GPC6: variants seen among roughly 807,000 people sequenced by gnomAD.
GPC6 encodes the protein glypican-6.
In GPC6, 14 loss-of-function variants were observed where a neutral mutation model predicts 55.2. The observed-to-expected ratio is 0.25, with a 90% CI of 0.17 to 0.40. The LOEUF is 0.40. Ranked by LOEUF, GPC6 falls within the 10% of genes least tolerant of loss-of-function variation. GPC6 has a pLI of 1.00. For missense variants in GPC6, 641 were observed against 708.5 expected, an observed-to-expected ratio of 0.90 and a Z score of 1.08; for synonymous variants, 278 against 259.6, an observed-to-expected ratio of 1.07 and a Z score of -0.68.
At chr13:93,260,195 G>A (rs534761509) in intron 1 of GPC6, among the ~76,000 whole-genome samples, 23 of 152,176 alleles carry the variant, frequency 1.5e-4, no homozygotes, top group Middle Eastern at 3.4e-3. Flanking sequence ...CTTCATTTTA[G>A]TAAATATTAA....
At chr13:94,242,462 C>T (rs1274483458) in intron 4 of GPC6, among the ~76,000 whole-genome samples, 1 of 152,008 alleles carries the variant, frequency 6.6e-6, no homozygotes, top group African/African-American at 2.4e-5. Context: ...TATTGTGGCA[C>T]TATTCACAAT....
chr13:93,749,150 G>A (rs1274561849), intron 2 of GPC6, among the ~76,000 whole-genome samples: 2 of 151,910 alleles, frequency 1.3e-5, no homozygotes, highest in Admixed American at 6.6e-5. Context: ...TTCTTCAGAT[G>A]TTTCAACTTC....
Position 93,740,536 on chromosome 13 carries a change from T to C in GPC6, c.320-89618T>C, listed in dbSNP as rs1480535391. On this transcript the variant is annotated intron_variant, in intron 2 of 8. Transcript: ENST00000377047. Reference sequence around the variant, plus strand: ...TTCAAAACATGATCAGAATGATAAGTGGGGCTGAAATTGATAAACAGTTTA... The same window carrying C: ...TTCAAAACATGATCAGAATGATAAGCGGGGCTGAAATTGATAAACAGTTTA... Among the ~76,000 whole-genome samples, 19 of 152,282 alleles carry C rather than the reference T, an allele frequency of 1.2e-4. No homozygotes were observed. In the East Asian group the frequency reaches 3.3e-3, roughly 26 times the overall value.
At chr13:93,789,509 C>CTCTCTCTCTCTA (rs1363454667) in intron 2 of GPC6, among the ~76,000 whole-genome samples, 11 of 93,458 alleles carry the variant, frequency 1.2e-4, no homozygotes, top group African/African-American at 4.6e-4. Flanking sequence ...CTCTCTCTCT[C>CTCTCTCTCTCTA]TATATATATA....
chr13:94,288,844 A>AAT (rs1437128741), intron 5 of GPC6, among the ~76,000 whole-genome samples: 2 of 97,952 alleles, frequency 2.0e-5, no homozygotes, highest in Non-Finnish European at 4.1e-5. Flanking sequence ...ATATATAACA[A>AAT]ATATATATAA....
intron 4 of GPC6, among the ~76,000 whole-genome samples, chr13:94,111,258 C>G (rs1329564060): frequency 6.6e-6 from 1 of 151,666 alleles, no homozygotes; most frequent in Non-Finnish European, 1.5e-5. Flanking sequence ...TCCCATCTGT[C>G]TCTTTTAATT....
In GPC6 at chr13:93,623,455, C is replaced by CTTTTCT. The variant is rs1555317483; in HGVS notation, c.319+78038_319+78039insCTTTTT. Among the ~76,000 whole-genome samples, 171 of 116,142 alleles carry CTTTTCT rather than the reference C, an allele frequency of 1.5e-3. 1 individual carries two copies. The highest frequency in any genetic ancestry group is 2.2e-3 in the Non-Finnish European group (124 of 56,454). The allele number at this position is 116,142 out of a possible 152,430, so 76.2% of individuals were successfully genotyped here. A position where few individuals can be genotyped will look rare whatever the true frequency, so the allele number is the denominator to read the frequency against. On this transcript the variant is annotated intron_variant, in intron 2 of 8. Transcript: ENST00000377047. ...TGGTTGTTTTCTTTTCTTTTCTTTT[C>CTTTTCT]TTTTTTTTTTTTTTTTTTTTTGAGA...
intron 2 of GPC6, among the ~76,000 whole-genome samples, chr13:93,761,701 G>A (rs1441883642): frequency 6.6e-6 from 1 of 151,778 alleles, no homozygotes; most frequent in Non-Finnish European, 1.5e-5. Context: ...GTAGAGACAG[G>A]GTATTGCTAT....
intron 2 of GPC6, among the ~76,000 whole-genome samples, chr13:93,674,548 G>T (rs979742952): frequency 8.5e-5 from 13 of 152,124 alleles, no homozygotes; most frequent in Non-Finnish European, 1.9e-4. Flanking sequence ...ACCATCTTGG[G>T]TGAAATACAT....
chr13:94,212,087 C>CT (rs1263750860), intron 4 of GPC6, among the ~76,000 whole-genome samples: 1 of 152,176 alleles, frequency 6.6e-6, no homozygotes, highest in Non-Finnish European at 1.5e-5. Flanking sequence ...AAGGTGGGTT[C>CT]TGCCCATCGA....
At chr13:93,759,578 G>T (rs529831959) in intron 2 of GPC6, among the ~76,000 whole-genome samples, 27 of 152,224 alleles carry the variant, frequency 1.8e-4, no homozygotes, top group African/African-American at 6.0e-4. Flanking sequence ...CCTTACATCG[G>T]ATTTCAGATT....
chr13:94,054,657 G>A (rs1459422088), intron 4 of GPC6, among the ~76,000 whole-genome samples: 1 of 152,124 alleles, frequency 6.6e-6, no homozygotes, highest in East Asian at 1.9e-4. Context: ...GCCCACCTTT[G>A]AGAAAAGAGA....
At chr13:93,572,286 A>T (rs1437389141) in intron 2 of GPC6, among the ~76,000 whole-genome samples, 1 of 152,102 alleles carries the variant, frequency 6.6e-6, no homozygotes, top group Non-Finnish European at 1.5e-5. Context: ...CTTGTGGGAG[A>T]GTTAATTCAT....
chr13:93,796,823 A>G (rs1725497054), intron 2 of GPC6, among the ~76,000 whole-genome samples: 1 of 152,214 alleles, frequency 6.6e-6, no homozygotes, highest in Non-Finnish European at 1.5e-5. Context: ...TGGCTTGGCC[A>G]TTCCAAGAAG....
chr13:94,132,168 A>G (rs549788091), intron 4 of GPC6, among the ~76,000 whole-genome samples: 1 of 152,290 alleles, frequency 6.6e-6, no homozygotes, highest in South Asian at 2.1e-4. Context: ...CAGAAGACTC[A>G]ATGGAGCAAA....
intron 4 of GPC6, among the ~76,000 whole-genome samples, chr13:94,135,127 G>C (rs1389694629): frequency 6.6e-6 from 1 of 152,054 alleles, no homozygotes; most frequent in African/African-American, 2.4e-5. Context: ...TACTTATCTA[G>C]CTGAAACCAA....
Position 94,305,990 on chromosome 13 carries a change from G to A in GPC6, c.1019G>A (p.Gly340Glu). Residue 340 changes from glycine to glutamate, a missense_variant, in exon 6 of 9, where the codon GGA becomes GAA. Transcript: ENST00000377047. ...CAATGGTTCTTCCAGGTCTTTCAGG[G>A]ATGTGGTCAGCCCAAACCTGCTCCA... The part of the protein sequence containing the change: ...SMQVSAKVFQ[G>E]CGQPKPAPAL... 6.2e-7 allele frequency: 1 copy of A among 1,614,096 alleles called. No homozygotes were observed. Among genetic ancestry groups the A allele is most frequent in the African/African-American group, 1.3e-5 (1 of 75,016 alleles).
intron 6 of GPC6, among the ~76,000 whole-genome samples, chr13:94,328,649 C>G (rs2139138923): frequency 6.6e-6 from 1 of 152,348 alleles, no homozygotes; most frequent in African/African-American, 2.4e-5. Context: ...TTCTAGGAAG[C>G]AATTGTATAT....
chr13:94,190,279 C>G (rs1889347364), intron 4 of GPC6, among the ~76,000 whole-genome samples: 1 of 151,180 alleles, frequency 6.6e-6, no homozygotes, highest in African/African-American at 2.4e-5. Flanking sequence ...AAGATCGTGC[C>G]ATCGCACTCC....
Sources: gnomAD v4.1 joint callset for allele counts (sites outside exome capture counted in the v4.1 genomes callset) on GRCh38, gnomAD v4.1.1 for gene constraint, MANE v1.5 for transcripts, NCBI Gene and HGNC (gene_info 2026-07-23, HGNC 2026-07-21) for gene names.